Variants in PID1 observed in about 807,000 individuals in gnomAD.
PID1 encodes PTB-containing, cubilin and LRP1-interacting protein.
In PID1, 10 loss-of-function variants were observed where a neutral mutation model predicts 19.1. The observed-to-expected ratio is 0.52, with a 90% CI of 0.32 to 0.89. The LOEUF (loss-of-function observed/expected upper bound fraction) is 0.89, where lower values mean the gene tolerates loss of function less well. Ranked by LOEUF, PID1 falls within the 40% of genes least tolerant of loss-of-function variation. The pLI is 0.03. For synonymous variants in PID1, 130 were observed against 116.0 expected (o/e 1.12, Z -0.78); for missense variants, 248 against 285.3 (o/e 0.87, Z 0.94).
intron 2 of PID1, among the ~76,000 whole-genome samples, chr2:229,067,634 T>G (rs1230174760): frequency 6.6e-6 from 1 of 152,124 alleles, no homozygotes; most frequent in East Asian, 1.9e-4. Flanking sequence ...GCCCTGCCCA[T>G]TACCAATCCT....
rs66533277 is a variant in PID1, at chr2:229,260,817, ATT to A, written c.30+10195_30+10196del. Among the ~76,000 whole-genome samples the A allele has an allele frequency of 6.6e-3, 756 of 114,646 alleles. 13 individuals carry two copies. Among genetic ancestry groups the A allele is most frequent in the African/African-American group, 7.6e-3 (226 of 29,786 alleles). The allele number at this position is 114,646 out of a possible 152,430, so 75.2% of individuals were successfully genotyped here. ...AGATGTAGAGAAAATTCTGATTGCC[ATT>A]TTTTTTTTTTTTTTTTTTTTGGTGG... On this transcript the variant is annotated intron_variant, in intron 1 of 2. Coordinates refer to ENST00000392055, the MANE Select transcript of PID1 (RefSeq NM_001100818.2).
At chr2:229,058,142 C>T (rs1694140633) in intron 2 of PID1, among the ~76,000 whole-genome samples, 1 of 152,208 alleles carries the variant, frequency 6.6e-6, no homozygotes, top group Admixed American at 6.5e-5. Flanking sequence ...TAGAGAGTTA[C>T]TTCTTAATCC....
At chr2:229,236,977 T>C (rs1689712162) in intron 1 of PID1, among the ~76,000 whole-genome samples, 1 of 56,668 alleles carries the variant, frequency 1.8e-5, no homozygotes, top group East Asian at 3.8e-4. Context: ...CCTTCTCCTT[T>C]ACACACACAT....
intron 1 of PID1, among the ~76,000 whole-genome samples, chr2:229,253,609 AAT>A (rs1690210855): frequency 6.6e-6 from 1 of 151,290 alleles, no homozygotes; most frequent in Non-Finnish European, 1.5e-5. Context: ...AAAAAAAAAA[AAT>A]TGCACCCTTT....
At chr2:229,248,238 A>G (rs780056266) in intron 1 of PID1, among the ~76,000 whole-genome samples, 2 of 152,220 alleles carry the variant, frequency 1.3e-5, no homozygotes, top group Non-Finnish European at 2.9e-5. Flanking sequence ...TGTCTACTCA[A>G]TCTGGACCAG....
At chr2:229,055,512 C>T (rs550931849) in intron 2 of PID1, among the ~76,000 whole-genome samples, 1 of 152,222 alleles carries the variant, frequency 6.6e-6, no homozygotes, top group South Asian at 2.1e-4. Context: ...GGTATGTGCC[C>T]ATTTGATTAA....
At chr2:229,243,112 G>A (rs907745041) in intron 1 of PID1, among the ~76,000 whole-genome samples, 18 of 152,120 alleles carry the variant, frequency 1.2e-4, no homozygotes, top group African/African-American at 4.1e-4. Context: ...CAATCATGGT[G>A]GAAGGCAAGG....
intron 2 of PID1, among the ~76,000 whole-genome samples, chr2:229,030,170 CTGTATGATTCTATT>C (rs1439257255): frequency 6.6e-6 from 1 of 152,146 alleles, no homozygotes; most frequent in African/African-American, 2.4e-5. Flanking sequence ...AAGACAAGTA[CTGTATGATTCTATT>C]TGTATGAAGT....
At chr2:229,081,763 C>T (rs758442331) in intron 2 of PID1, among the ~76,000 whole-genome samples, 14 of 152,164 alleles carry the variant, frequency 9.2e-5, no homozygotes, top group Admixed American at 2.0e-4. Context: ...GAGTTAAATG[C>T]TGGACAAACA....
rs368845309 is a variant in PID1 at position 229,119,589 on chromosome 2, G to C, written c.177+36229C>G. 2.7e-4 allele frequency among the ~76,000 whole-genome samples: 41 copies of C among 152,224 alleles called. No individual in the cohort carries two copies. The East Asian group carries it at 3.3e-3, about 12-fold the overall frequency. On this transcript the variant is annotated intron_variant, in intron 2 of 2. Coordinates refer to ENST00000392055, the MANE Select transcript of PID1 (RefSeq NM_001100818.2). ...AGCATAATACCTTTACAGGCTACTT[G>C]GGAACAAGGCAAGGTGTCAAAGGCA...
intron 2 of PID1, among the ~76,000 whole-genome samples, chr2:229,029,529 G>A (rs1693500418): frequency 6.6e-6 from 1 of 152,060 alleles, no homozygotes; most frequent in South Asian, 2.1e-4. Context: ...GTAGAAAACA[G>A]CGTGGCGGTT....
chr2:229,216,045 G>C (rs909202490), intron 1 of PID1, among the ~76,000 whole-genome samples: 1 of 152,140 alleles, frequency 6.6e-6, no homozygotes, highest in Non-Finnish European at 1.5e-5. Context: ...TGCAGAAGAG[G>C]ATGTCCCCCT....
chr2:229,062,939 C>G (rs1419355772), intron 2 of PID1, among the ~76,000 whole-genome samples: 2 of 151,840 alleles, frequency 1.3e-5, no homozygotes, highest in African/African-American at 4.8e-5. Context: ...ACTTTATGAT[C>G]CTTTGTATTT....
At chr2:229,203,258 T>C (rs546467499) in intron 1 of PID1, among the ~76,000 whole-genome samples, 4 of 152,192 alleles carry the variant, frequency 2.6e-5, no homozygotes, top group South Asian at 2.1e-4. Context: ...TCAGCTCTCA[T>C]TGGCAGTCAA....
At chr2:229,145,969 AT>A (rs1559255693) in intron 2 of PID1, among the ~76,000 whole-genome samples, 4 of 152,214 alleles carry the variant, frequency 2.6e-5, no homozygotes, top group South Asian at 4.1e-4. Flanking sequence ...TTATTTTTCG[AT>A]TTTTTAGTAG....
At chr2:229,199,406 C>A (rs1001427797) in intron 1 of PID1, among the ~76,000 whole-genome samples, 2 of 151,972 alleles carry the variant, frequency 1.3e-5, no homozygotes, top group Non-Finnish European at 2.9e-5. Flanking sequence ...ACCCAGAGAG[C>A]AAGAACTCTC....
At chr2:229,232,723 A>C (rs1574744249) in intron 1 of PID1, among the ~76,000 whole-genome samples, 1 of 148,644 alleles carries the variant, frequency 6.7e-6, no homozygotes, top group Admixed American at 6.7e-5. Flanking sequence ...TTCCAATATG[A>C]TGCATTGTTG....
At chr2:229,104,546 T>C (rs1392092626) in intron 2 of PID1, among the ~76,000 whole-genome samples, 1 of 152,246 alleles carries the variant, frequency 6.6e-6, no homozygotes, top group Non-Finnish European at 1.5e-5. Context: ...CATTATCTTT[T>C]GCCGTCTCTT....
intron 1 of PID1, among the ~76,000 whole-genome samples, chr2:229,263,051 T>C (rs1403343523): frequency 6.6e-6 from 1 of 152,224 alleles, no homozygotes; most frequent in Non-Finnish European, 1.5e-5. Context: ...GGAACACAAT[T>C]CAACCTTCAA....
Sources: allele counts gnomAD v4.1 joint callset (sites outside exome capture counted in the v4.1 genomes callset), GRCh38; gene constraint gnomAD v4.1.1; transcripts MANE v1.5; gene names NCBI Gene and HGNC (gene_info 2026-07-23, HGNC 2026-07-21).